The following MAST4 variants were observed in gnomAD, a reference collection of about 807,000 sequenced individuals.
MAST4 encodes the protein microtubule associated serine/threonine kinase family member 4, also known as microtubule-associated serine/threonine-protein kinase 4.
Under a neutral mutation model 162.7 loss-of-function variants are expected in MAST4, and 89 were observed. The ratio of observed to expected loss-of-function variants is 0.55; its 90% CI spans 0.46 to 0.65. The LOEUF is 0.65. Among genes scored for constraint, MAST4 ranks in the 30% least tolerant of loss-of-function variants. The probability of loss-of-function intolerance (pLI) is 0.00; values close to 1 mark genes in which losing one functional copy is unlikely to be tolerated. For synonymous variants in MAST4, 1,479 were observed against 1,361.1 expected (o/e 1.09, Z -1.91); for missense variants, 3,153 against 3,374.0 (o/e 0.93, Z 1.62).
intron 12 of MAST4, 21 bp downstream of exon 12, chr5:67,114,240 T>C (rs775171362): frequency 3.1e-6 from 5 of 1,600,306 alleles, no homozygotes; most frequent in Non-Finnish European, 4.3e-6. Flanking sequence ...GGGTTGTTCC[T>C]ACCTTTGACT....
At chr5:67,071,358 C>CT (rs1760956779) in intron 5 of MAST4, among the ~76,000 whole-genome samples, 1 of 152,134 alleles carries the variant, frequency 6.6e-6, no homozygotes, top group Non-Finnish European at 1.5e-5. Flanking sequence ...CCAGAGAACT[C>CT]TATTTGGTAG....
chr5:66,797,389 T>C (rs1262687997), intron 3 of MAST4, among the ~76,000 whole-genome samples: 1 of 152,170 alleles, frequency 6.6e-6, no homozygotes, highest in Non-Finnish European at 1.5e-5. Context: ...TTTCTAGATA[T>C]AGTTTTGTGG....
intron 1 of MAST4, among the ~76,000 whole-genome samples, chr5:66,649,536 G>A (rs114657905): frequency 3.3e-5 from 5 of 152,244 alleles, no homozygotes; most frequent in Non-Finnish European, 7.4e-5. Flanking sequence ...TTTCATTATA[G>A]TAGCTCTTCA....
At chr5:66,967,552 T>C (rs983787757) in intron 4 of MAST4, among the ~76,000 whole-genome samples, 1 of 152,194 alleles carries the variant, frequency 6.6e-6, no homozygotes, top group East Asian at 1.9e-4. Flanking sequence ...TTTAATGGGC[T>C]GCCTCATCAG....
chr5:66,986,168 G>A (rs1330059514), intron 4 of MAST4, among the ~76,000 whole-genome samples: 2 of 152,196 alleles, frequency 1.3e-5, no homozygotes, highest in East Asian at 3.9e-4. Flanking sequence ...GAGGAAGAGA[G>A]GAGGAGGTAG....
intron 1 of MAST4, among the ~76,000 whole-genome samples, chr5:66,724,156 T>G (rs1005409575): frequency 2.0e-5 from 3 of 152,228 alleles, no homozygotes; most frequent in Admixed American, 6.5e-5. Flanking sequence ...GGTATTAATT[T>G]TCTTCCTAGC....
intron 1 of MAST4, among the ~76,000 whole-genome samples, chr5:66,754,258 A>G (rs257714): frequency 0.11 from 17,025 of 152,236 alleles, 1,062 homozygotes; most frequent in East Asian, 0.27. Flanking sequence ...ATTTGGACAA[A>G]TATATATGCT....
intron 1 of MAST4, among the ~76,000 whole-genome samples, chr5:66,694,966 C>T (rs1353450174): frequency 6.6e-6 from 1 of 151,972 alleles, no homozygotes; most frequent in Non-Finnish European, 1.5e-5. Context: ...CATTCTGTAG[C>T]TTGTCTGTTC....
intron 4 of MAST4, among the ~76,000 whole-genome samples, chr5:66,966,524 G>A (rs776648097): frequency 2.6e-5 from 4 of 152,278 alleles, no homozygotes; most frequent in African/African-American, 9.6e-5. Context: ...GGATCCAGGG[G>A]GATCTTTAAC....
intron 3 of MAST4, among the ~76,000 whole-genome samples, chr5:66,871,163 G>A (rs879693814): frequency 6.6e-6 from 1 of 152,152 alleles, no homozygotes; most frequent in Non-Finnish European, 1.5e-5. Flanking sequence ...TCAGAGCTGG[G>A]AAGAGAGGCC....
At chr5:66,971,294 A>G (rs1418715899) in intron 4 of MAST4, among the ~76,000 whole-genome samples, 1 of 152,152 alleles carries the variant, frequency 6.6e-6, no homozygotes, top group Non-Finnish European at 1.5e-5. Flanking sequence ...ATGCAAAAAA[A>G]GGTTAAATTG....
intron 5 of MAST4, among the ~76,000 whole-genome samples, chr5:67,089,316 C>G (rs540062889): frequency 6.6e-6 from 1 of 152,258 alleles, no homozygotes; most frequent in African/African-American, 2.4e-5. Context: ...GCTGGCCAAG[C>G]TTTCTCAATG....
chr5:66,817,206 G>A (rs1431921751), intron 3 of MAST4, among the ~76,000 whole-genome samples: 3 of 152,114 alleles, frequency 2.0e-5, no homozygotes, highest in African/African-American at 7.2e-5. Flanking sequence ...ATTCATAGTA[G>A]ATATTTAGTG....
At chr5:66,897,327 A>T (rs993256963) in intron 3 of MAST4, among the ~76,000 whole-genome samples, 2 of 152,190 alleles carry the variant, frequency 1.3e-5, no homozygotes, top group African/African-American at 4.8e-5. Flanking sequence ...TGACATTAAG[A>T]AAATAAAATG....
At chr5:66,808,177 A>T (rs1408340914) in intron 3 of MAST4, among the ~76,000 whole-genome samples, 1 of 152,170 alleles carries the variant, frequency 6.6e-6, no homozygotes, top group Non-Finnish European at 1.5e-5. Flanking sequence ...GTCCAGCGGA[A>T]TTTTGTGGGA....
intron 1 of MAST4, among the ~76,000 whole-genome samples, chr5:66,740,415 C>T (rs751448065): frequency 6.6e-6 from 1 of 152,180 alleles, no homozygotes; most frequent in Non-Finnish European, 1.5e-5. Context: ...GTGGAATGCA[C>T]AGGTCCACAT....
At chr5:66,677,526 T>C (rs1201397296) in intron 1 of MAST4, among the ~76,000 whole-genome samples, 2 of 152,214 alleles carry the variant, frequency 1.3e-5, no homozygotes, top group Admixed American at 1.3e-4. Context: ...ATTGGGCGCC[T>C]ACTGAGTGTC....
intron 16 of MAST4, 22 bp from the exon 17 acceptor site, chr5:67,133,492 T>C (rs1441136956): frequency 1.2e-6 from 2 of 1,611,558 alleles, no homozygotes; most frequent in East Asian, 4.5e-5. Flanking sequence ...ATTATTGTGT[T>C]ACATGTCCGT....
intron 2 of MAST4, among the ~76,000 whole-genome samples, chr5:66,787,610 G>A (rs1030835680): frequency 5.9e-5 from 9 of 152,310 alleles, no homozygotes; most frequent in East Asian, 3.9e-4. Flanking sequence ...AGGGAAAAGC[G>A]AGGAACAGAT....
Sources: allele counts gnomAD v4.1 joint callset (sites outside exome capture counted in the v4.1 genomes callset), GRCh38; gene constraint gnomAD v4.1.1; transcripts MANE v1.5; gene names NCBI Gene and HGNC (gene_info 2026-07-23, HGNC 2026-07-21).